The following TIAM1 variants were observed in gnomAD, a reference collection of about 807,000 sequenced individuals.
TIAM1 encodes the protein rho guanine nucleotide exchange factor TIAM1.
TIAM1 carries 65 observed loss-of-function variants against 163.5 expected under a neutral mutation model. The observed-to-expected ratio is 0.40, with a 90% CI of 0.33 to 0.49. The LOEUF is 0.49. Among genes scored for constraint, TIAM1 ranks in the 20% least tolerant of loss-of-function variants. The pLI is 0.77. For synonymous variants in TIAM1, 833 were observed against 810.1 expected (o/e 1.03, Z -0.48); for missense variants, 1,789 against 2,044.7 (o/e 0.87, Z 2.41).
chr21:31,118,979 A>G lies in TIAM1; in HGVS notation c.*1389T>C. 5.6e-6 allele frequency: 1 copy of G among 178,526 alleles called. No homozygotes were observed. Among genetic ancestry groups the G allele is most frequent in the Non-Finnish European group, 1.2e-5 (1 of 83,732 alleles). The allele number at this position is 178,526 out of a possible 1,614,324, so 11.1% of individuals were successfully genotyped here. A position where few individuals can be genotyped will look rare whatever the true frequency, so the allele number is the denominator to read the frequency against. ...GCTACTATAAAATTCAGGTCTTTAAAGTACCTACTGATGTGTCAAACACCA... is the reference window on the plus strand; with the variant it reads ...GCTACTATAAAATTCAGGTCTTTAAGGTACCTACTGATGTGTCAAACACCA... On this transcript the variant is annotated 3_prime_UTR_variant, in exon 28 of 28. Coordinates refer to ENST00000541036, the MANE Select transcript of TIAM1 (RefSeq NM_001353694.2).
chr21:31,131,534 G>C (rs1428460387), intron 23 of TIAM1, among the ~76,000 whole-genome samples: 1 of 152,150 alleles, frequency 6.6e-6, no homozygotes, highest in Non-Finnish European at 1.5e-5. Context: ...ATTCTTTCGG[G>C]GGTGGGGAGA....
chr21:31,457,908 T>G (rs2045167964), intron 2 of TIAM1, among the ~76,000 whole-genome samples: 1 of 152,178 alleles, frequency 6.6e-6, no homozygotes, highest in South Asian at 2.1e-4. Flanking sequence ...TGAAATATCC[T>G]TCGATACTTG....
rs368025215 is a variant in TIAM1, at chr21:31,539,135, C to T, written c.-422+19792G>A. On this transcript the variant is annotated intron_variant, in intron 1 of 28. Transcript: ENST00000286827. ...ATTTGCCTCCAAGAGCACACACACA[C>T]CACATACATTAAATCTCTCAACAGG... Among the ~76,000 whole-genome samples, 17 of 152,302 alleles carry T rather than the reference C, an allele frequency of 1.1e-4. No homozygotes were observed. The East Asian group carries it at 2.7e-3, about 24-fold the overall frequency.
intron 11 of TIAM1, among the ~76,000 whole-genome samples, chr21:31,204,975 A>G (rs1251615460): frequency 6.6e-6 from 1 of 152,212 alleles, no homozygotes; most frequent in African/African-American, 2.4e-5. Context: ...TTGTCCTTTC[A>G]CTGCCTATAT....
chr21:31,264,359 G>A (rs953000199), intron 4 of TIAM1, among the ~76,000 whole-genome samples: 3 of 152,024 alleles, frequency 2.0e-5, no homozygotes, highest in Non-Finnish European at 2.9e-5. Flanking sequence ...CAACTACCCC[G>A]AGTCCTCAAC....
At chr21:31,233,403 T>C (rs1005315295) in intron 6 of TIAM1, among the ~76,000 whole-genome samples, 1 of 152,184 alleles carries the variant, frequency 6.6e-6, no homozygotes, top group African/African-American at 2.4e-5. Flanking sequence ...CTATTATTTT[T>C]AATATCTGTA....
chr21:31,527,070 C>G (rs540067974), intron 1 of TIAM1, among the ~76,000 whole-genome samples: 4 of 152,286 alleles, frequency 2.6e-5, no homozygotes, highest in African/African-American at 9.6e-5. Flanking sequence ...CCGGGCCACA[C>G]ACTGTGGAAC....
intron 1 of TIAM1, among the ~76,000 whole-genome samples, chr21:31,493,450 G>A (rs937953082): frequency 1.3e-5 from 2 of 152,198 alleles, no homozygotes; most frequent in Non-Finnish European, 2.9e-5. Flanking sequence ...GGAAACCAAA[G>A]GATGGAAATT....
At chr21:31,203,638 C>T (rs901445063) in intron 11 of TIAM1, among the ~76,000 whole-genome samples, 1 of 151,630 alleles carries the variant, frequency 6.6e-6, no homozygotes, top group African/African-American at 2.4e-5. Flanking sequence ...CAACACAACA[C>T]AGCAGATCAA....
At chr21:31,504,354 G>T (rs1258675162) in intron 1 of TIAM1, among the ~76,000 whole-genome samples, 1 of 152,170 alleles carries the variant, frequency 6.6e-6, no homozygotes, top group Non-Finnish European at 1.5e-5. Flanking sequence ...AACCCTTTGG[G>T]GTAATTCATT....
At chr21:31,460,044 A>G (rs1179552057) in intron 2 of TIAM1, among the ~76,000 whole-genome samples, 1 of 151,472 alleles carries the variant, frequency 6.6e-6, no homozygotes. Flanking sequence ...GTGGATCTAG[A>G]AAATGCACCA....
intron 1 of TIAM1, among the ~76,000 whole-genome samples, chr21:31,531,919 C>A (rs994478374): frequency 6.6e-6 from 1 of 151,992 alleles, no homozygotes; most frequent in Non-Finnish European, 1.5e-5. Flanking sequence ...GAGTTTGAGA[C>A]CAGCCTGGGC....
intron 2 of TIAM1, among the ~76,000 whole-genome samples, chr21:31,389,117 C>T (rs983697416): frequency 4.0e-4 from 61 of 152,212 alleles, no homozygotes; most frequent in Admixed American, 3.9e-4. Context: ...AAATTTTATT[C>T]GTGGATGCTG....
intron 2 of TIAM1, among the ~76,000 whole-genome samples, chr21:31,307,533 G>A (rs2074760886): frequency 6.6e-6 from 1 of 151,802 alleles, no homozygotes; most frequent in Non-Finnish European, 1.5e-5. Context: ...TTCTAGTCCC[G>A]GATCTACCCC....
intron 11 of TIAM1, among the ~76,000 whole-genome samples, chr21:31,205,349 TATC>T (rs2086396049): frequency 6.6e-6 from 1 of 151,804 alleles, no homozygotes; most frequent in Non-Finnish European, 1.5e-5. Flanking sequence ...TTGGAAACCT[TATC>T]ATCATCATTA....
At chr21:31,438,544 G>C (rs1173260616) in intron 2 of TIAM1, among the ~76,000 whole-genome samples, 1 of 151,972 alleles carries the variant, frequency 6.6e-6, no homozygotes, top group African/African-American at 2.4e-5. Context: ...TGTCAAATAG[G>C]GCACTGGAGA....
At chr21:31,158,678 C>G (rs2083746894) in intron 16 of TIAM1, among the ~76,000 whole-genome samples, 1 of 151,792 alleles carries the variant, frequency 6.6e-6, no homozygotes, top group Non-Finnish European at 1.5e-5. Flanking sequence ...AAAATAACAC[C>G]CCCCCAAATT....
At chr21:31,529,062 C>A (rs1016580543) in intron 1 of TIAM1, among the ~76,000 whole-genome samples, 7 of 151,272 alleles carry the variant, frequency 4.6e-5, no homozygotes, top group African/African-American at 1.7e-4. Flanking sequence ...GCCGGGACTA[C>A]AGGCGCCCAC....
rs1166849329 is a variant in TIAM1 at position 31,130,285 on chromosome 21, C to G, written c.3973G>C (p.Asp1325His). The G allele has an allele frequency of 6.2e-7, 1 of 1,613,922 alleles. No homozygotes were observed. The highest frequency in any genetic ancestry group is 2.2e-5 in the East Asian group (1 of 44,882). The part of the protein sequence containing the change: ...VGSHRLSIYE[D>H]WDPFRFRHMI... ...TGTCGAAATCTGAAGGGGTCCCAGTCCTCATAAATGGAAAGCCTGTGAGAT... is the reference window on the plus strand; with the variant it reads ...TGTCGAAATCTGAAGGGGTCCCAGTGCTCATAAATGGAAAGCCTGTGAGAT... Residue 1325 changes from aspartate to histidine, a missense_variant, in exon 25 of 28, where the codon GAC (aspartate) becomes CAC (histidine). Around this residue, in one of 5 missense-constraint regions of TIAM1, gnomAD observed 415 missense variants for 439.2 expected, o/e 0.94. Coordinates refer to ENST00000541036, the MANE Select transcript of TIAM1 (RefSeq NM_001353694.2).
Sources: gnomAD v4.1 joint callset for allele counts (sites outside exome capture counted in the v4.1 genomes callset) on GRCh38, gnomAD v4.1.1 for gene constraint, gnomAD v4.1.1 regional missense constraint, MANE v1.5 for transcripts, NCBI Gene and HGNC (gene_info 2026-07-23, HGNC 2026-07-21) for gene names.